CSMD1: variants seen among roughly 807,000 people sequenced by gnomAD.
CSMD1 encodes CUB and sushi domain-containing protein 1.
A neutral mutation model predicts 417.5 loss-of-function variants in CSMD1; 213 were observed. The observed-to-expected ratio is 0.51, with a 90% confidence interval of 0.46 to 0.57. CSMD1 has a LOEUF of 0.57. Among genes scored for constraint, CSMD1 ranks in the 20% least tolerant of loss-of-function variants. CSMD1 has a pLI of 0.00. For missense variants in CSMD1, 6,923 were observed against 4,529.7 expected (o/e 1.53, Z -15.17); for synonymous variants, 2,862 against 1,736.8 (o/e 1.65, Z -16.11).
chr8:3,218,358 G>A (rs563724575), intron 29 of CSMD1, among the ~76,000 whole-genome samples: 2 of 151,520 alleles, frequency 1.3e-5, no homozygotes, highest in African/African-American at 4.9e-5. Context: ...TCAGGAGATC[G>A]AGATCATCCT....
intron 5 of CSMD1, among the ~76,000 whole-genome samples, chr8:3,892,414 T>C (rs1401171787): frequency 1.3e-5 from 2 of 152,138 alleles, no homozygotes; most frequent in East Asian, 1.9e-4. Flanking sequence ...CAAGGAGAAC[T>C]TCCCCAAAGC....
intron 12 of CSMD1, among the ~76,000 whole-genome samples, chr8:3,418,099 G>C (rs73657879): frequency 6.6e-6 from 1 of 152,164 alleles, no homozygotes; most frequent in South Asian, 2.1e-4. Context: ...GAAATACCAT[G>C]TTTGCTTTTC....
At chr8:3,710,891 G>A (rs911174986) in intron 6 of CSMD1, among the ~76,000 whole-genome samples, 2 of 152,110 alleles carry the variant, frequency 1.3e-5, no homozygotes, top group African/African-American at 4.8e-5. Flanking sequence ...TGGCTGGGGA[G>A]CATGGAGACA....
At chr8:4,177,944 T>A (rs1345058585) in intron 3 of CSMD1, among the ~76,000 whole-genome samples, 1 of 152,080 alleles carries the variant, frequency 6.6e-6, no homozygotes, top group Non-Finnish European at 1.5e-5. Context: ...ATCAATAGCT[T>A]ATCAACCAAA....
intron 3 of CSMD1, among the ~76,000 whole-genome samples, chr8:4,406,148 G>C (rs1178346755): frequency 6.6e-6 from 1 of 152,110 alleles, no homozygotes; most frequent in East Asian, 1.9e-4. Flanking sequence ...GAGCATAATC[G>C]TGCACACATT....
chr8:3,314,908 T>C (rs750469905), intron 23 of CSMD1, among the ~76,000 whole-genome samples: 6 of 152,240 alleles, frequency 3.9e-5, no homozygotes, highest in Admixed American at 2.0e-4. Flanking sequence ...CTCACAGTAA[T>C]GTGAGTTTTT....
rs1041415196 is a variant in CSMD1 at position 4,954,948 on chromosome 8, G to C, written c.85+39384C>G. Among the ~76,000 whole-genome samples, 6 of 152,278 alleles carry C rather than the reference G, an allele frequency of 3.9e-5. No homozygotes were observed. In the East Asian group the frequency reaches 7.7e-4, roughly 20 times the overall value. Reference sequence around the variant, plus strand: ...TGAAAACATGTTTCTGTTTGTCTGTGACACTTTTATCTTTTAGAATGTTCC... The same window carrying C: ...TGAAAACATGTTTCTGTTTGTCTGTCACACTTTTATCTTTTAGAATGTTCC... On this transcript the variant is annotated intron_variant, in intron 1 of 69. Transcript: ENST00000635120.
intron 3 of CSMD1, among the ~76,000 whole-genome samples, chr8:4,205,020 A>G (rs1390909526): frequency 6.6e-6 from 1 of 152,180 alleles, no homozygotes; most frequent in Non-Finnish European, 1.5e-5. Context: ...TTTCTCATGT[A>G]TTCAAGCAAG....
intron 3 of CSMD1, among the ~76,000 whole-genome samples, chr8:4,109,210 A>G (rs1299855767): frequency 6.6e-6 from 1 of 151,992 alleles, no homozygotes; most frequent in African/African-American, 2.4e-5. Context: ...AATCCTGAAT[A>G]TTTTCGGTAT....
At chr8:4,990,873 C>G (rs963968643) in intron 1 of CSMD1, among the ~76,000 whole-genome samples, 1 of 152,158 alleles carries the variant, frequency 6.6e-6, no homozygotes, top group African/African-American at 2.4e-5. Context: ...GGGCGCACCT[C>G]TCTCGCGGTG....
chr8:4,862,274 G>A (rs1563616642), intron 1 of CSMD1, among the ~76,000 whole-genome samples: 1 of 152,166 alleles, frequency 6.6e-6, no homozygotes, highest in African/African-American at 2.4e-5. Context: ...GGTACTGGGA[G>A]CCTGTAAGTG....
intron 3 of CSMD1, among the ~76,000 whole-genome samples, chr8:4,071,961 A>G (rs552483483): frequency 1.3e-5 from 2 of 152,270 alleles, no homozygotes; most frequent in African/African-American, 2.4e-5. Context: ...GGGGCTCTCC[A>G]GTCTAGAGCT....
chr8:3,083,495 A>T (rs2129004151), intron 49 of CSMD1, among the ~76,000 whole-genome samples: 1 of 148,518 alleles, frequency 6.7e-6, no homozygotes, highest in African/African-American at 2.5e-5. Context: ...GCAGTCATCA[A>T]AGGGTCCTAT....
intron 12 of CSMD1, among the ~76,000 whole-genome samples, chr8:3,439,532 G>T (rs907497276): frequency 6.7e-6 from 1 of 148,376 alleles, no homozygotes; most frequent in Non-Finnish European, 1.5e-5. Context: ...TAATTGTAGA[G>T]TCTTAAGAGT....
intron 12 of CSMD1, among the ~76,000 whole-genome samples, chr8:3,466,620 G>C (rs372490064): frequency 6.7e-5 from 10 of 148,358 alleles, no homozygotes; most frequent in Middle Eastern, 7.0e-3. Context: ...GAGAGATAGG[G>C]GTTTCACCAT....
chr8:4,295,758 A>G (rs868757063), intron 3 of CSMD1, among the ~76,000 whole-genome samples: 1,502 of 16,122 alleles, frequency 0.093, 39 homozygotes, highest in African/African-American at 0.25. Context: ...GTGTATATAT[A>G]TATATATATA....
intron 37 of CSMD1, among the ~76,000 whole-genome samples, chr8:3,177,522 G>C (rs941585200): frequency 1.3e-5 from 2 of 152,276 alleles, no homozygotes; most frequent in Non-Finnish European, 2.9e-5. Context: ...TCTATAAAAG[G>C]TGTGTTTCAA....
Position 4,369,730 on chromosome 8 carries a change from C to T in CSMD1, c.415+50223G>A, listed in dbSNP as rs141810669. Among the ~76,000 whole-genome samples the T allele has an allele frequency of 6.4e-3, 977 of 152,130 alleles. 33 individuals are homozygous for T. The highest frequency in any genetic ancestry group is 0.059 in the Admixed American group (894 of 15,280). On this transcript the variant is annotated intron_variant, in intron 3 of 69. Transcript: ENST00000635120. ...TTTTTATTGTTGTTGGTTTAAAGAT[C>T]GTTTTCTCTAATATAGAATTAGCTA... is the stretch of plus-strand genomic sequence containing the variant.
intron 3 of CSMD1, among the ~76,000 whole-genome samples, chr8:4,376,440 T>C (rs891923670): frequency 1.2e-4 from 18 of 152,326 alleles, no homozygotes; most frequent in African/African-American, 4.1e-4. Flanking sequence ...TTCAAAATAT[T>C]TTCGGCTTAT....
Sources: gnomAD v4.1 joint callset for allele counts (sites outside exome capture counted in the v4.1 genomes callset) on GRCh38, gnomAD v4.1.1 for gene constraint, MANE v1.5 for transcripts, NCBI Gene and HGNC (gene_info 2026-07-23, HGNC 2026-07-21) for gene names.